Variants in CERT1 observed in about 807,000 individuals in gnomAD.
The protein encoded by CERT1 is ceramide transporter 1.
CERT1 carries 31 observed loss-of-function variants against 87.9 expected under a neutral mutation model. The ratio of observed to expected loss-of-function variants is 0.35; its 90% CI spans 0.27 to 0.48. The LOEUF is 0.48. Among genes scored for constraint, CERT1 ranks in the 20% least tolerant of loss-of-function variants. CERT1 has a pLI of 0.99. For synonymous variants in CERT1, 289 were observed against 250.9 expected, an observed-to-expected ratio of 1.15 and a Z score of -1.44; for missense variants, 487 against 758.0, an observed-to-expected ratio of 0.64 and a Z score of 4.20.
chr5:75,441,006 G>A (rs1218231899), intron 3 of CERT1, among the ~76,000 whole-genome samples: 1 of 152,004 alleles, frequency 6.6e-6, no homozygotes, highest in African/African-American at 2.4e-5. Context: ...TCAACTATCA[G>A]CCTCTATATT....
At chr5:75,494,623 C>T (rs1273372237) in intron 2 of CERT1, among the ~76,000 whole-genome samples, 3 of 152,158 alleles carry the variant, frequency 2.0e-5, no homozygotes, top group Non-Finnish European at 2.9e-5. Flanking sequence ...CTCTCCACCC[C>T]CAACTCTCCA....
At chr5:75,383,568 T>C (rs897417798) in intron 14 of CERT1, among the ~76,000 whole-genome samples, 5 of 152,156 alleles carry the variant, frequency 3.3e-5, no homozygotes, top group Non-Finnish European at 5.9e-5. Context: ...AGAATCTTAA[T>C]TGTTATGCAT....
intron 9 of CERT1, 134 bp downstream of exon 9, chr5:75,402,838 A>G (rs1393524516): frequency 5.4e-6 from 3 of 550,982 alleles, no homozygotes; most frequent in Non-Finnish European, 9.9e-6. Context: ...TTGTGACTCA[A>G]TGTATTCACA....
intron 3 of CERT1, among the ~76,000 whole-genome samples, chr5:75,431,218 T>C (rs1038336862): frequency 6.6e-6 from 1 of 152,240 alleles, no homozygotes; most frequent in South Asian, 2.1e-4. Flanking sequence ...CCTCCCATCC[T>C]CCACCCTCAA....
chr5:75,374,687 T>C (rs569206011), downstream of CERT1: 7 of 614,470 alleles, frequency 1.1e-5, no homozygotes, highest in Admixed American at 1.1e-4. Context: ...TATTACTGTG[T>C]GAGTTGTGCA....
chr5:75,507,752 T>C (rs973344246), intron 1 of CERT1, among the ~76,000 whole-genome samples: 1 of 152,266 alleles, frequency 6.6e-6, no homozygotes, highest in East Asian at 1.9e-4. Context: ...ACAAGTTACT[T>C]TTGTAAACTT....
chr5:75,388,349 C>T (rs896681093), intron 12 of CERT1, among the ~76,000 whole-genome samples: 5 of 151,886 alleles, frequency 3.3e-5, no homozygotes, highest in Admixed American at 6.6e-5. Context: ...ATAGATTATG[C>T]AAAAAATCCT....
intron 2 of CERT1, among the ~76,000 whole-genome samples, chr5:75,475,403 AG>A (rs1467755976): frequency 5.3e-5 from 8 of 152,200 alleles, no homozygotes; most frequent in African/African-American, 1.9e-4. Context: ...TTTAAGTGAT[AG>A]AACCCTGTCT....
At chr5:75,477,609 G>A (rs1261859689) in intron 2 of CERT1, among the ~76,000 whole-genome samples, 1 of 117,948 alleles carries the variant, frequency 8.5e-6, no homozygotes, top group African/African-American at 3.3e-5. Flanking sequence ...TAAGTTCATA[G>A]AAGGTCACTT....
In CERT1 at chr5:75,393,385, GA is replaced by G. The variant is rs370941704; in HGVS notation, c.1189-3699del. Among the ~76,000 whole-genome samples, 195 of 151,722 alleles carry G rather than the reference GA, an allele frequency of 1.3e-3. 2 individuals are homozygous for G. The highest frequency in any genetic ancestry group is 4.5e-3 in the African/African-American group (187 of 41,402). The stretch of plus-strand genomic sequence containing the variant: ...TAACCTTTTCTTCCATCTCACATTT[GA>G]ATCACTCAGTATGATGCCATTTCTG... On this transcript the variant is annotated intron_variant, in intron 11 of 16. Transcript: ENST00000643780.
chr5:75,470,778 A>C (rs1765673041), intron 2 of CERT1, among the ~76,000 whole-genome samples: 1 of 152,158 alleles, frequency 6.6e-6, no homozygotes, highest in African/African-American at 2.4e-5. Context: ...GGCAAGACAA[A>C]AGAAATAAAT....
chr5:75,451,071 T>G (rs1278685533), intron 3 of CERT1, among the ~76,000 whole-genome samples: 2 of 152,224 alleles, frequency 1.3e-5, no homozygotes, highest in Admixed American at 6.5e-5. Context: ...TGAATTGTTT[T>G]TATTCCAGAA....
intron 3 of CERT1, among the ~76,000 whole-genome samples, chr5:75,428,944 T>C (rs1763745972): frequency 6.6e-6 from 1 of 151,834 alleles, no homozygotes; most frequent in African/African-American, 2.4e-5. Context: ...TATCAAATAA[T>C]CCCCCATCTT....
chr5:75,498,421 G>A (rs572550368), intron 2 of CERT1, among the ~76,000 whole-genome samples: 1 of 152,336 alleles, frequency 6.6e-6, no homozygotes, highest in African/African-American at 2.4e-5. Flanking sequence ...AGGGAAAAAT[G>A]GGTTTCCTGG....
chr5:75,445,550 C>T (rs111626029), intron 3 of CERT1, among the ~76,000 whole-genome samples: 58 of 152,268 alleles, frequency 3.8e-4, no homozygotes, highest in African/African-American at 8.9e-4. Context: ...AACTTAAACT[C>T]CTGGGCTCAA....
intron 2 of CERT1, among the ~76,000 whole-genome samples, chr5:75,466,471 G>A (rs987406469): frequency 8.5e-5 from 13 of 152,200 alleles, no homozygotes; most frequent in Admixed American, 2.0e-4. Flanking sequence ...TAAGATACAC[G>A]AGCTATAATC....
At chr5:75,393,616 A>AAAAAAAAAAAAAAAC in intron 11 of CERT1, among the ~76,000 whole-genome samples, 1 of 144,058 alleles carries the variant, frequency 6.9e-6, no homozygotes, top group Non-Finnish European at 1.5e-5. Flanking sequence ...AAAAAAAAAA[A>AAAAAAAAAAAAAAAC]AAAAAAAGAA....
At chr5:75,396,729 CAAAAAAA>C (rs375730002) in intron 11 of CERT1, among the ~76,000 whole-genome samples, 5 of 92,636 alleles carry the variant, frequency 5.4e-5, no homozygotes, top group Non-Finnish European at 1.3e-4. Context: ...AACTCCGTCT[CAAAAAAA>C]AAAAAAAAAC....
chr5:75,425,473 C>T lies in CERT1; in HGVS notation c.483G>A (p.Leu161=), dbSNP rs1763574272. ...TGTCTCTAAATGTTTCCATTTCAGCCAACTTCTCACGTAAACTGTGGCCTT... is the reference window on the plus strand; with the variant it reads ...TGTCTCTAAATGTTTCCATTTCAGCTAACTTCTCACGTAAACTGTGGCCTT... ...FKKGHSLREK[L]AEMETFRDIL... is the part of the protein sequence containing the mutation. Residue 161 remains leucine, a synonymous_variant, in exon 5 of 17, where the codon TTG becomes TTA. Coordinates refer to ENST00000643780, the MANE Select transcript of CERT1 (RefSeq NM_001379029.1). 2 of 1,613,782 alleles carry T rather than the reference C, an allele frequency of 1.2e-6. No homozygotes were observed. Among genetic ancestry groups the T allele is most frequent in the African/African-American group, 1.3e-5 (1 of 75,030 alleles).
Sources: gnomAD v4.1 joint callset for allele counts (sites outside exome capture counted in the v4.1 genomes callset) on GRCh38, gnomAD v4.1.1 for gene constraint, MANE v1.5 for transcripts, NCBI Gene and HGNC (gene_info 2026-07-23, HGNC 2026-07-21) for gene names.